The following TENM3 variants were observed in gnomAD, a reference collection of about 807,000 sequenced individuals.
The protein encoded by TENM3 is teneurin-3.
In TENM3, 63 loss-of-function variants were observed where a neutral mutation model predicts 255.1. That is an observed-to-expected ratio of 0.25 (90% confidence interval 0.20 to 0.30). TENM3 has a LOEUF of 0.30. TENM3 is among the 10% of genes least tolerant of loss of function. TENM3 has a pLI of 1.00. For missense variants in TENM3, 2,929 were observed against 3,461.1 expected (o/e 0.85, Z 3.86); for synonymous variants, 1,306 against 1,322.3 (o/e 0.99, Z 0.27).
At chr4:182,081,564 A>G in the TENM3 span, among the ~76,000 whole-genome samples, 2 of 142,586 alleles carry the variant, frequency 1.4e-5, no homozygotes, top group Non-Finnish European at 3.0e-5. Context: ...AGCCTGGGCG[A>G]CAGAGTGAGG....
chr4:182,414,926 G>A (rs1770258021), intron 3 of TENM3, among the ~76,000 whole-genome samples: 1 of 152,188 alleles, frequency 6.6e-6, no homozygotes, highest in Admixed American at 6.5e-5. Context: ...TTCTATGACT[G>A]TGACACAGTA....
At chr4:182,718,289 T>C (rs139776070) in intron 13 of TENM3, among the ~76,000 whole-genome samples, 24 of 152,348 alleles carry the variant, frequency 1.6e-4, no homozygotes, top group Middle Eastern at 3.4e-3. Flanking sequence ...CTCTGCTTTC[T>C]TCTACCTTAG....
At chr4:181,917,376 ATC>A in the TENM3 span, among the ~76,000 whole-genome samples, 8 of 152,180 alleles carry the variant, frequency 5.3e-5, no homozygotes, top group Admixed American at 1.3e-4. Flanking sequence ...TTTTAAAAGC[ATC>A]TCTCTTTTTT....
chr4:182,625,225 G>A (rs1360679664), intron 4 of TENM3, among the ~76,000 whole-genome samples: 1 of 152,152 alleles, frequency 6.6e-6, no homozygotes, highest in East Asian at 1.9e-4. Flanking sequence ...CTTGTAGCAC[G>A]GGTCCCCGAC....
At position 182,492,750 on chromosome 4, in the gene TENM3, T is replaced by C. The variant is rs116515478; in HGVS notation, c.512-108174T>C. Among the ~76,000 whole-genome samples the C allele has an allele frequency of 8.5e-3, 1,288 of 152,296 alleles. 18 individuals carry two copies. Among genetic ancestry groups the C allele is most frequent in the African/African-American group, 0.029 (1,223 of 41,570 alleles). ...TCAGTCAGAAGTGAATTTTAAATTA[T>C]GCAGGAGAAAATAACAATAAACTGA... On this transcript the variant is annotated intron_variant, in intron 3 of 27. Transcript: ENST00000511685.
the TENM3 span, among the ~76,000 whole-genome samples, chr4:181,561,178 T>A: frequency 6.6e-6 from 1 of 152,172 alleles, no homozygotes; most frequent in African/African-American, 2.4e-5. Context: ...GGTCTCGAAC[T>A]CCTGACCTCA....
intron 3 of TENM3, among the ~76,000 whole-genome samples, chr4:182,444,256 T>C (rs1772726595): frequency 6.6e-6 from 1 of 152,138 alleles, no homozygotes; most frequent in South Asian, 2.1e-4. Flanking sequence ...TACATCAGAG[T>C]CCATATAGCT....
At chr4:182,384,124 C>T (rs1161048795) in intron 3 of TENM3, among the ~76,000 whole-genome samples, 2 of 152,118 alleles carry the variant, frequency 1.3e-5, no homozygotes, top group South Asian at 2.1e-4. Flanking sequence ...AGCCCTTGGA[C>T]GTGACTCAAT....
At chr4:181,637,474 A>C in the TENM3 span, among the ~76,000 whole-genome samples, 2 of 152,222 alleles carry the variant, frequency 1.3e-5, no homozygotes, top group African/African-American at 4.8e-5. Context: ...TGACAGTGGC[A>C]AAACTCGTCA....
At chr4:182,775,964 A>AGAT (rs1284419711) in intron 24 of TENM3, among the ~76,000 whole-genome samples, 4 of 151,980 alleles carry the variant, frequency 2.6e-5, no homozygotes, top group Non-Finnish European at 4.4e-5. Flanking sequence ...GATGATAGAT[A>AGAT]GATAGATAGA....
At chr4:182,691,844 T>C (rs1757033516) in intron 12 of TENM3, among the ~76,000 whole-genome samples, 1 of 152,210 alleles carries the variant, frequency 6.6e-6, no homozygotes, top group African/African-American at 2.4e-5. Context: ...TTAAACCACA[T>C]CAAATAAGCA....
the TENM3 span, among the ~76,000 whole-genome samples, chr4:181,865,987 T>G: frequency 6.6e-6 from 1 of 152,246 alleles, no homozygotes. Flanking sequence ...AATTGTATAC[T>G]ATATTCATTT....
intron 7 of TENM3, among the ~76,000 whole-genome samples, chr4:182,674,116 T>TGAGC (rs1193297289): frequency 1.3e-5 from 2 of 152,214 alleles, no homozygotes; most frequent in African/African-American, 2.4e-5. Context: ...GACAGTAGGA[T>TGAGC]GAGCCTAAAG....
intron 3 of TENM3, among the ~76,000 whole-genome samples, chr4:182,377,041 G>A (rs540045985): frequency 2.6e-5 from 4 of 152,180 alleles, no homozygotes; most frequent in East Asian, 1.9e-4. Flanking sequence ...AGTGTAATCC[G>A]TCCGCACTGT....
At chr4:182,478,777 T>TA (rs1264326343) in intron 3 of TENM3, among the ~76,000 whole-genome samples, 1 of 152,036 alleles carries the variant, frequency 6.6e-6, no homozygotes, top group Admixed American at 6.6e-5. Context: ...CTTTATGGAT[T>TA]ATACTTAAAT....
chr4:182,610,897 C>G (rs1748935228), intron 4 of TENM3, among the ~76,000 whole-genome samples: 1 of 149,772 alleles, frequency 6.7e-6, no homozygotes, highest in Non-Finnish European at 1.5e-5. Flanking sequence ...GAGCATGTCA[C>G]CATGCCCAGC....
intron 1 of TENM3, among the ~76,000 whole-genome samples, chr4:182,258,819 C>T (rs1435238070): frequency 6.6e-6 from 1 of 152,186 alleles, no homozygotes; most frequent in Non-Finnish European, 1.5e-5. Context: ...CACTCCTCTC[C>T]TCTTCTCATC....
At chr4:181,588,307 T>A in the TENM3 span, among the ~76,000 whole-genome samples, 1 of 152,166 alleles carries the variant, frequency 6.6e-6, no homozygotes, top group Non-Finnish European at 1.5e-5. Flanking sequence ...TTCCTAACAT[T>A]TAATTATCTC....
the TENM3 span, among the ~76,000 whole-genome samples, chr4:181,501,857 A>T: frequency 6.6e-6 from 1 of 152,232 alleles, no homozygotes; most frequent in Non-Finnish European, 1.5e-5. Context: ...CTGAGGACAT[A>T]GATGCCATAA....
Sources: allele counts gnomAD v4.1 joint callset (sites outside exome capture counted in the v4.1 genomes callset), GRCh38; gene constraint gnomAD v4.1.1; transcripts MANE v1.5; gene names NCBI Gene and HGNC (gene_info 2026-07-23, HGNC 2026-07-21).